Variants in NFKB1 observed in about 807,000 individuals in gnomAD.
NFKB1 encodes the protein nuclear factor kappa B subunit 1, also known as nuclear factor NF-kappa-B p105 subunit.
In NFKB1, 9 loss-of-function variants were observed where a neutral mutation model predicts 105.1. The ratio of observed to expected loss-of-function variants is 0.09; its 90% CI spans 0.05 to 0.15. The LOEUF (loss-of-function observed/expected upper bound fraction) is 0.15. Among genes scored for constraint, NFKB1 ranks in the 10% least tolerant of loss-of-function variants. NFKB1 has a pLI of 1.00. For missense variants in NFKB1, 830 were observed against 1,203.7 expected, an observed-to-expected ratio of 0.69 and a Z score of 4.59; for synonymous variants, 440 against 442.2, an observed-to-expected ratio of 1.00 and a Z score of 0.06.
At chr4:102,547,398 G>T (rs1324349927) in intron 5 of NFKB1, among the ~76,000 whole-genome samples, 1 of 152,126 alleles carries the variant, frequency 6.6e-6, no homozygotes, top group East Asian at 1.9e-4. Context: ...TACATTTACA[G>T]TTTCTAGGTC....
chr4:102,542,080 T>C (rs1008902087), intron 5 of NFKB1, among the ~76,000 whole-genome samples: 5 of 152,110 alleles, frequency 3.3e-5, no homozygotes, highest in Non-Finnish European at 5.9e-5. Context: ...CCTGTATGGG[T>C]TACTCTCTTA....
At chr4:102,538,731 G>C (rs230524) in intron 5 of NFKB1, among the ~76,000 whole-genome samples, 1 of 152,228 alleles carries the variant, frequency 6.6e-6, no homozygotes, top group African/African-American at 2.4e-5. Flanking sequence ...ACATAGACTG[G>C]TAATCATTTT....
intron 5 of NFKB1, among the ~76,000 whole-genome samples, chr4:102,563,204 G>A (rs574080376): frequency 4.2e-4 from 64 of 152,286 alleles, no homozygotes; most frequent in African/African-American, 1.4e-3. Context: ...AGCAGATCCA[G>A]CATGTGGTCA....
At chr4:102,561,986 T>A (rs1206503134) in intron 5 of NFKB1, among the ~76,000 whole-genome samples, 2 of 152,176 alleles carry the variant, frequency 1.3e-5, no homozygotes, top group East Asian at 3.9e-4. Context: ...GAGGGTGTCA[T>A]GGAAGATTCA....
At chr4:102,540,783 A>T (rs78995391) in intron 5 of NFKB1, among the ~76,000 whole-genome samples, 1 of 149,818 alleles carries the variant, frequency 6.7e-6, no homozygotes, top group African/African-American at 2.4e-5. Context: ...ACGGCCAGGT[A>T]TTTTTTTTTT....
intron 5 of NFKB1, among the ~76,000 whole-genome samples, chr4:102,554,374 C>A (rs1036503940): frequency 6.6e-6 from 1 of 152,140 alleles, no homozygotes; most frequent in Non-Finnish European, 1.5e-5. Flanking sequence ...GTGCCTGACA[C>A]AAATGTATTT....
At position 102,518,832 on chromosome 4, in the gene NFKB1, G is replaced by T. The variant is rs4647977; in HGVS notation, c.-7-6680G>T. Among the ~76,000 whole-genome samples, 12 of 152,222 alleles carry T rather than the reference G, an allele frequency of 7.9e-5. No individual in the cohort carries two copies. In the East Asian group the frequency reaches 2.3e-3, roughly 29 times the overall value. On this transcript the variant is annotated intron_variant, in intron 1 of 23. Coordinates refer to ENST00000226574, the MANE Select transcript of NFKB1 (RefSeq NM_003998.4). ...GGACTGCCTGTCTGTGCTCCACATG[G>T]TCTTTGATTTTCCAGTGGCTGGTGC... is the stretch of plus-strand genomic sequence containing the variant.
At chr4:102,580,709 G>T (rs1323983272) in intron 9 of NFKB1, 70 bp downstream of exon 9, 7 of 1,236,984 alleles carry the variant, frequency 5.7e-6, no homozygotes. Context: ...GAGTGTGTCT[G>T]TGAGTCACAT....
At chr4:102,502,390 G>GCGCACACACACACACACACACA (rs1311577382) in intron 1 of NFKB1, among the ~76,000 whole-genome samples, 7 of 105,392 alleles carry the variant, frequency 6.6e-5, no homozygotes, top group African/African-American at 2.5e-4. Flanking sequence ...GCGCGCGCGC[G>GCGCACACACACACACACACACA]CACACACACA....
At chr4:102,551,422 C>A (rs1722600580) in intron 5 of NFKB1, among the ~76,000 whole-genome samples, 2 of 150,674 alleles carry the variant, frequency 1.3e-5, no homozygotes, top group South Asian at 4.2e-4. Flanking sequence ...AGAAAATATA[C>A]CCTCCTTGAG....
intron 6 of NFKB1, among the ~76,000 whole-genome samples, chr4:102,574,473 T>C (rs1262483118): frequency 1.3e-5 from 2 of 151,198 alleles, no homozygotes; most frequent in African/African-American, 2.5e-5. Context: ...GATCTCTGAG[T>C]GTATCTCTGT....
rs1450614754 is a variant in NFKB1 at position 102,606,701 on chromosome 4, A to G, written c.1954+4A>G. 1 of 1,612,590 alleles carries G rather than the reference A, an allele frequency of 6.2e-7. No homozygotes were observed. Among genetic ancestry groups the G allele is most frequent in the East Asian group, 2.2e-5 (1 of 44,874 alleles). On this transcript the variant is annotated splice_donor_region_variant and intron_variant, in intron 17 of 23. Coordinates refer to ENST00000226574, the MANE Select transcript of NFKB1 (RefSeq NM_003998.4). Reference sequence around the variant, plus strand: ...CTTGACCACCCCAACGGGGACGGTAAGAGACAATCACACATCATTGGTGTA... The same window carrying G: ...CTTGACCACCCCAACGGGGACGGTAGGAGACAATCACACATCATTGGTGTA...
chr4:102,551,367 T>TGTGTGCGC (rs370790173), intron 5 of NFKB1, among the ~76,000 whole-genome samples: 111 of 150,204 alleles, frequency 7.4e-4, no homozygotes, highest in Admixed American at 1.5e-3. Context: ...TGTGTGTGTG[T>TGTGTGCGC]GCGCGCGCGC....
At chr4:102,595,615 A>G (rs935674114) in intron 13 of NFKB1, among the ~76,000 whole-genome samples, 3 of 152,274 alleles carry the variant, frequency 2.0e-5, no homozygotes, top group Non-Finnish European at 4.4e-5. Context: ...GAAGGCACAC[A>G]GAAGTTAGTG....
chr4:102,603,190 A>C (rs944145665), intron 16 of NFKB1, among the ~76,000 whole-genome samples: 4 of 151,996 alleles, frequency 2.6e-5, no homozygotes, highest in Non-Finnish European at 5.9e-5. Context: ...CTTCTGCCTC[A>C]GCCTCCTGAG....
rs1209796356 is a variant in NFKB1, at chr4:102,503,938, T to TGGTAGATAC, written c.-8+2152_-8+2160dup. On this transcript the variant is annotated intron_variant, in intron 1 of 23. Coordinates refer to ENST00000226574, the MANE Select transcript of NFKB1 (RefSeq NM_003998.4). ...CTTGACTTTCAGGGATTGCTCATTGTGGTAGATACGAGGTCTAGATAGGGA... is the reference window on the plus strand; with the variant it reads ...CTTGACTTTCAGGGATTGCTCATTGTGGTAGATACGGTAGATACGAGGTCTAGATAGGGA... Among the ~76,000 whole-genome samples the TGGTAGATAC allele has an allele frequency of 4.6e-5, 7 of 152,228 alleles. No individual in the cohort carries two copies. The East Asian group carries it at 1.3e-3, about 29-fold the overall frequency.
intron 5 of NFKB1, among the ~76,000 whole-genome samples, chr4:102,539,848 G>C (rs1452273288): frequency 1.3e-5 from 2 of 152,122 alleles, no homozygotes; most frequent in Non-Finnish European, 2.9e-5. Flanking sequence ...TTGGGGTACT[G>C]GGGGCAGGGA....
At chr4:102,574,987 G>A (rs1001283747) in intron 6 of NFKB1, among the ~76,000 whole-genome samples, 6 of 152,158 alleles carry the variant, frequency 3.9e-5, no homozygotes, top group East Asian at 1.9e-4. Context: ...AGATAACCCC[G>A]TTTTCCTGCA....
chr4:102,550,875 G>A (rs889866025), intron 5 of NFKB1, among the ~76,000 whole-genome samples: 50 of 152,090 alleles, frequency 3.3e-4, no homozygotes, highest in African/African-American at 1.1e-3. Flanking sequence ...TCCCATCCCT[G>A]TTGATTTAGT....
Sources: allele counts gnomAD v4.1 joint callset (sites outside exome capture counted in the v4.1 genomes callset), GRCh38; gene constraint gnomAD v4.1.1; transcripts MANE v1.5; gene names NCBI Gene and HGNC (gene_info 2026-07-23, HGNC 2026-07-21).